OR2A14: variants seen among roughly 807,000 people sequenced by gnomAD.
OR2A14 encodes olfactory receptor 2A14.
In OR2A14, 2 loss-of-function variants were observed where a neutral mutation model predicts 2.4. That is an observed-to-expected ratio of 0.85 (90% CI 0.35 to 2.67). OR2A14 has a LOEUF of 2.67. Among genes scored for constraint, OR2A14 ranks in the 30% most tolerant of loss-of-function variants. The probability of loss-of-function intolerance (pLI) is 0.10; values close to 1 mark genes in which losing one functional copy is unlikely to be tolerated. For missense variants in OR2A14, 390 were observed against 379.4 expected (o/e 1.03, Z -0.23); for synonymous variants, 160 against 156.3 (o/e 1.02, Z -0.18).
chr7:144,127,671 T>C (rs1464596914), intron 1 of OR2A14, among the ~76,000 whole-genome samples: 3 of 152,238 alleles, frequency 2.0e-5, no homozygotes, highest in African/African-American at 4.8e-5. Context: ...TTAAATACTC[T>C]GTACAATACC....
At chr7:144,125,254 G>T (rs1453382612) in intron 1 of OR2A14, among the ~76,000 whole-genome samples, 3 of 152,136 alleles carry the variant, frequency 2.0e-5, no homozygotes, top group African/African-American at 7.2e-5. Context: ...CTTATTCAGA[G>T]ACCATATTTT....
chr7:144,126,221 T>C (rs1249072377), intron 1 of OR2A14, among the ~76,000 whole-genome samples: 5 of 152,270 alleles, frequency 3.3e-5, no homozygotes, highest in Non-Finnish European at 1.5e-5. Flanking sequence ...AACTGTATTC[T>C]GCTTTCATGA....
rs10664756 is a variant in OR2A14 at position 144,124,462 on chromosome 7, C to CAAAAA, written c.-35+1214_-35+1218dup. On this transcript the variant is annotated intron_variant, in intron 1 of 1. Transcript: ENST00000641068. ...GGGCAACAAGAGCGAAACTCCGTCT[C>CAAAAA]AAAAAAAAAAAAAAAAAAAACTAGG... Among the ~76,000 whole-genome samples, 128 of 84,820 alleles carry CAAAAA rather than the reference C, an allele frequency of 1.5e-3. 1 individual carries two copies. The highest frequency in any genetic ancestry group is 2.3e-3 in the Non-Finnish European group (89 of 39,552). 55.6% of individuals were successfully genotyped at this position (84,820 alleles called of 152,430 possible). A position where few individuals can be genotyped will look rare whatever the true frequency, so the allele number is the denominator to read the frequency against.
intron 1 of OR2A14, among the ~76,000 whole-genome samples, chr7:144,126,800 C>T (rs565015882): frequency 1.3e-5 from 2 of 152,164 alleles, no homozygotes; most frequent in Admixed American, 1.3e-4. Flanking sequence ...TGTTGAAAAG[C>T]ATGGTTTATA....
Position 144,129,156 on chromosome 7 carries a change from G to C in OR2A14, c.44G>C (p.Arg15Pro). 6.2e-7 allele frequency: 1 copy of C among 1,612,320 alleles called. No homozygotes were observed. Among genetic ancestry groups the C allele is most frequent in the Non-Finnish European group, 8.5e-7 (1 of 1,180,004 alleles). Reference sequence around the variant, plus strand: ...TGGATCACAGACATCACCTTGCCGCGATTCCAGGTTGGTCCAGCACTGGAG... The same window carrying C: ...TGGATCACAGACATCACCTTGCCGCCATTCCAGGTTGGTCCAGCACTGGAG... ...KTWITDITLPRFQVGPALEIL... is the reference protein window; with the variant it reads ...KTWITDITLPPFQVGPALEIL... The change falls in exon 2 of 2, where the codon CGA (arginine) becomes CCA (proline). Residue 15 changes from arginine (R) to proline (P), a missense_variant. Physicochemically the swap from Arg to Pro is moderately radical, Grantham distance 103 (BLOSUM62 -2). Coordinates refer to ENST00000641068, the MANE Select transcript of OR2A14 (RefSeq NM_001001659.3).
Position 144,129,344 on chromosome 7 carries a change from C to A in OR2A14, c.232C>A (p.Pro78Thr), listed in dbSNP as rs1161521542. ...VDISYASNYV[P>T]KMLTNLMNQE... ...CATATCCTATGCTTCCAACTATGTC[C>A]CCAAGATGCTGACGAATCTTATGAA... is the stretch of plus-strand genomic sequence containing the variant. Residue 78 changes from proline (P) to threonine (T), a missense_variant, in exon 2 of 2, where the codon CCC becomes ACC. Coordinates refer to ENST00000641068, the MANE Select transcript of OR2A14 (RefSeq NM_001001659.3). The A allele has an allele frequency of 2.5e-6, 4 of 1,614,040 alleles. No individual in the cohort carries two copies. In the African/African-American group the frequency reaches 5.3e-5, roughly 22 times the overall value.
intron 1 of OR2A14, among the ~76,000 whole-genome samples, chr7:144,128,608 G>C (rs554574546): frequency 2.2e-4 from 34 of 152,304 alleles, no homozygotes; most frequent in African/African-American, 8.2e-4. Context: ...GGAGGTGAGG[G>C]ACAGTGAGCA....
At position 144,130,165 on chromosome 7, in the gene OR2A14, A is replaced by C. The variant is rs2051521741; in HGVS notation, c.*120A>C. 1 of 732,986 alleles carries C rather than the reference A, an allele frequency of 1.4e-6. No homozygotes were observed. Among genetic ancestry groups the C allele is most frequent in the Admixed American group, 2.7e-5 (1 of 37,578 alleles). 45.4% of individuals were successfully genotyped at this position (732,986 alleles called of 1,614,324 possible). A position where few individuals can be genotyped will look rare whatever the true frequency, so the allele number is the denominator to read the frequency against. ...CCTTAAACTGGAATACTATAGACCT[A>C]TACATATAAACTGAAGACACAAATC... On this transcript the variant is annotated 3_prime_UTR_variant, in exon 2 of 2. Transcript: ENST00000641068.
chr7:144,127,205 C>A (rs2051487904), intron 1 of OR2A14, among the ~76,000 whole-genome samples: 1 of 152,186 alleles, frequency 6.6e-6, no homozygotes, highest in African/African-American at 2.4e-5. Flanking sequence ...ACAGATCATG[C>A]ACTCAAGGAT....
In OR2A14 at chr7:144,129,148, C is replaced by G; in HGVS notation, c.36C>G (p.Thr12=). 1 of 1,612,202 alleles carries G rather than the reference C, an allele frequency of 6.2e-7. No individual in the cohort carries two copies. The highest frequency in any genetic ancestry group is 8.5e-7 in the Non-Finnish European group (1 of 1,179,950). The change falls in exon 2 of 2, where the codon ACC becomes ACG. Residue 12 remains threonine (T), a synonymous_variant. Coordinates refer to ENST00000641068, the MANE Select transcript of OR2A14 (RefSeq NM_001001659.3). ...EGNKTWITDI[T]LPRFQVGPAL... ...ACAAGACATGGATCACAGACATCAC[C>G]TTGCCGCGATTCCAGGTTGGTCCAG...
chr7:144,129,635 C>A lies in OR2A14; in HGVS notation c.523C>A (p.His175Asn), dbSNP rs777379839. ...LPFCGPHEIN[H>N]FFCEILSVLK... is the part of the protein sequence containing the mutation. ...CTTCTGCGGGCCTCATGAAATCAAC[C>A]ACTTCTTCTGTGAAATCCTGTCTGT... is the stretch of plus-strand genomic sequence containing the variant. Residue 175 changes from histidine (H) to asparagine (N), a missense_variant, in exon 2 of 2, where the codon CAC becomes AAC. Coordinates refer to ENST00000641068, the MANE Select transcript of OR2A14 (RefSeq NM_001001659.3). 3.8e-6 allele frequency: 6 copies of A among 1,567,550 alleles called. No individual in the cohort carries two copies. In the African/African-American group the frequency reaches 9.3e-5, roughly 24 times the overall value.
rs2051504926 is a variant in OR2A14, at chr7:144,128,978, TTGG to T, written c.-34-99_-34-97del. ...TTTTTTCTCATTTTTATGAGCACAC[TTGG>T]TTAGTTTTGGCAACATATCTGAGAA... is the stretch of plus-strand genomic sequence containing the variant. On this transcript the variant is annotated intron_variant, in intron 1 of 1. Coordinates refer to ENST00000641068, the MANE Select transcript of OR2A14 (RefSeq NM_001001659.3). The T allele has an allele frequency of 5.9e-6, 4 of 673,226 alleles. No individual in the cohort carries two copies. The South Asian group carries it at 6.1e-5, about 10-fold the overall frequency. The allele number at this position is 673,226 out of a possible 1,614,324, so 41.7% of individuals were successfully genotyped here.
chr7:144,123,590 T>G (rs1294500850), intron 1 of OR2A14, among the ~76,000 whole-genome samples: 1 of 152,204 alleles, frequency 6.6e-6, no homozygotes, highest in Non-Finnish European at 1.5e-5. Context: ...ATGATCTGGC[T>G]AAAGGGCTCC....
chr7:144,127,224 A>G (rs2051488130), intron 1 of OR2A14, among the ~76,000 whole-genome samples: 1 of 152,228 alleles, frequency 6.6e-6, no homozygotes, highest in Non-Finnish European at 1.5e-5. Flanking sequence ...ATCATTCGTT[A>G]AGGGATATAC....
chr7:144,125,227 C>G (rs1276748948), intron 1 of OR2A14, among the ~76,000 whole-genome samples: 4 of 152,184 alleles, frequency 2.6e-5, no homozygotes, highest in Non-Finnish European at 4.4e-5. Context: ...AAGACTGTTA[C>G]TCCTGTTGCT....
rs560461779 is a variant in OR2A14, at chr7:144,128,458, A to G, written c.-34-621A>G. ...CAAACACCAGATATGGAAAAGAGGCACCTAAAGTTGCTGCTAGGGAGTACT... is the reference window on the plus strand; with the variant it reads ...CAAACACCAGATATGGAAAAGAGGCGCCTAAAGTTGCTGCTAGGGAGTACT... On this transcript the variant is annotated intron_variant, in intron 1 of 1. Coordinates refer to ENST00000641068, the MANE Select transcript of OR2A14 (RefSeq NM_001001659.3). Among the ~76,000 whole-genome samples the G allele has an allele frequency of 2.6e-5, 4 of 152,354 alleles. No homozygotes were observed. The East Asian group carries it at 7.7e-4, about 29-fold the overall frequency.
Position 144,130,100 on chromosome 7 carries a change from G to T in OR2A14, c.*55G>T. 3 of 1,358,484 alleles carry T rather than the reference G, an allele frequency of 2.2e-6. No homozygotes were observed. Among genetic ancestry groups the T allele is most frequent in the Non-Finnish European group, 2.9e-6 (3 of 1,020,410 alleles). The allele number at this position is 1,358,484 out of a possible 1,614,324, so 84.2% of individuals were successfully genotyped here. On this transcript the variant is annotated 3_prime_UTR_variant, in exon 2 of 2. Transcript: ENST00000641068. ...GCCTTGCTCCCTGCAAAATATAGAA[G>T]TTGGCTTTTTTTTTTTGTCTTCTGC...
At chr7:144,125,254 G>C (rs1453382612) in intron 1 of OR2A14, among the ~76,000 whole-genome samples, 1 of 152,136 alleles carries the variant, frequency 6.6e-6, no homozygotes, top group African/African-American at 2.4e-5. Flanking sequence ...CTTATTCAGA[G>C]ACCATATTTT....
intron 1 of OR2A14, among the ~76,000 whole-genome samples, chr7:144,124,411 G>A (rs1011850053): frequency 2.9e-5 from 4 of 136,326 alleles, no homozygotes; most frequent in East Asian, 2.3e-4. Flanking sequence ...GCGGTGAGCC[G>A]AGATCTCACC....
Sources: gnomAD v4.1 joint callset for allele counts (sites outside exome capture counted in the v4.1 genomes callset) on GRCh38, gnomAD v4.1.1 for gene constraint, MANE v1.5 for transcripts, NCBI Gene and HGNC (gene_info 2026-07-23, HGNC 2026-07-21) for gene names.